Variants in STK3 observed in about 807,000 individuals in gnomAD.
The protein encoded by STK3 is serine/threonine-protein kinase 3.
STK3 carries 41 observed loss-of-function variants against 58.0 expected under a neutral mutation model. The observed-to-expected ratio is 0.71, with a 90% CI of 0.55 to 0.92. STK3 has a LOEUF of 0.92. Among genes scored for constraint, STK3 ranks in the 40% least tolerant of loss-of-function variants. The pLI, the probability that STK3 is intolerant of heterozygous loss-of-function variation, is 0.00. For missense variants in STK3, 479 were observed against 602.7 expected, an observed-to-expected ratio of 0.79 and a Z score of 2.15; for synonymous variants, 170 against 191.0, an observed-to-expected ratio of 0.89 and a Z score of 0.91.
chr8:98,441,924 C>T (rs554280465), intron 1 of STK3, among the ~76,000 whole-genome samples: 2 of 152,330 alleles, frequency 1.3e-5, no homozygotes, highest in South Asian at 4.1e-4. Context: ...GCTCCAGACC[C>T]ATGTTTCCAG....
chr8:98,918,549 C>T (rs1218972293), intron 1 of STK3, among the ~76,000 whole-genome samples: 1 of 152,028 alleles, frequency 6.6e-6, no homozygotes, highest in African/African-American at 2.4e-5. Flanking sequence ...GCAGGAGGAC[C>T]GCTTGAGCCT....
intron 1 of STK3, among the ~76,000 whole-genome samples, chr8:98,801,870 T>C (rs997972213): frequency 6.6e-6 from 1 of 152,180 alleles, no homozygotes. Flanking sequence ...TGTTGTTTCC[T>C]GTTCAATGTA....
the STK3 span, among the ~76,000 whole-genome samples, chr8:98,345,670 A>C: frequency 7.2e-5 from 11 of 152,066 alleles, no homozygotes; most frequent in African/African-American, 2.7e-4. Flanking sequence ...GGAAAACACA[A>C]CCTATAATGA....
At chr8:98,549,140 G>C (rs1163385945) in intron 8 of STK3, among the ~76,000 whole-genome samples, 7 of 152,206 alleles carry the variant, frequency 4.6e-5, no homozygotes, top group African/African-American at 1.2e-4. Flanking sequence ...TACAATTGCT[G>C]GATCACATGG....
intron 6 of STK3, among the ~76,000 whole-genome samples, chr8:98,665,320 A>G (rs1202046215): frequency 6.6e-6 from 1 of 152,216 alleles, no homozygotes. Context: ...ATGAAGCAGA[A>G]GTCAAAATTT....
At chr8:98,655,126 C>T (rs572335843) in intron 6 of STK3, among the ~76,000 whole-genome samples, 2 of 151,798 alleles carry the variant, frequency 1.3e-5, no homozygotes, top group Non-Finnish European at 2.9e-5. Flanking sequence ...GGTACTGGTA[C>T]CAAAACAGAG....
At chr8:98,404,371 TACAA>T (rs1385827199) in intron 3 of STK3, among the ~76,000 whole-genome samples, 2 of 152,014 alleles carry the variant, frequency 1.3e-5, no homozygotes, top group African/African-American at 4.8e-5. Context: ...ACTCCATGTC[TACAA>T]ACAATCAAAA....
intron 3 of STK3, chr8:98,413,607 T>G: frequency 2.8e-6 from 2 of 704,590 alleles, no homozygotes; most frequent in Non-Finnish European, 5.4e-6. Flanking sequence ...TTCAATTTGT[T>G]GGATACAAAG....
chr8:98,373,150 G>T (rs929163591), intron 2 of STK3, among the ~76,000 whole-genome samples: 45 of 152,226 alleles, frequency 3.0e-4, no homozygotes, highest in African/African-American at 1.0e-3. Flanking sequence ...ACCAGAGTTG[G>T]TGCTCCATAA....
intron 3 of STK3, among the ~76,000 whole-genome samples, chr8:98,832,693 G>A (rs1471429147): frequency 6.6e-6 from 1 of 151,930 alleles, no homozygotes; most frequent in Non-Finnish European, 1.5e-5. Context: ...GGTCCCCTTG[G>A]CCAAGGGGGG....
intron 10 of STK3, among the ~76,000 whole-genome samples, chr8:98,468,411 C>G (rs1586635921): frequency 6.6e-6 from 1 of 152,240 alleles, no homozygotes; most frequent in Non-Finnish European, 1.5e-5. Flanking sequence ...TGAAGAGATT[C>G]AGATATTTGT....
intron 1 of STK3, among the ~76,000 whole-genome samples, chr8:98,821,675 A>T (rs1026318561): frequency 6.6e-6 from 1 of 151,896 alleles, no homozygotes; most frequent in South Asian, 2.1e-4. Flanking sequence ...AAAAAAAAAA[A>T]AGTTAAAAAG....
chr8:98,398,946 CTG>C (rs1408773032), downstream of STK3, among the ~76,000 whole-genome samples: 2 of 152,200 alleles, frequency 1.3e-5, no homozygotes, highest in African/African-American at 2.4e-5. Flanking sequence ...TGAAAGGAAA[CTG>C]TGAAATCTTC....
intron 10 of STK3, among the ~76,000 whole-genome samples, chr8:98,491,488 T>TA (rs1257525913): frequency 6.6e-6 from 1 of 152,076 alleles, no homozygotes; most frequent in East Asian, 1.9e-4. Context: ...TAGCCCAAGT[T>TA]AGAGTGCAGT....
At chr8:98,366,703 C>T (rs1309199196), downstream of STK3, among the ~76,000 whole-genome samples, 2 of 152,200 alleles carry the variant, frequency 1.3e-5, no homozygotes, top group African/African-American at 4.8e-5. Context: ...ATCTATCTGT[C>T]TATTCCTGCT....
At chr8:98,823,610 A>G (rs1835051828) in intron 1 of STK3, among the ~76,000 whole-genome samples, 1 of 152,248 alleles carries the variant, frequency 6.6e-6, no homozygotes, top group South Asian at 2.1e-4. Flanking sequence ...TAGGGGCTTC[A>G]AATATATTTG....
chr8:98,772,147 CA>C (rs1422333498), intron 2 of STK3, among the ~76,000 whole-genome samples: 4 of 152,256 alleles, frequency 2.6e-5, no homozygotes, highest in Non-Finnish European at 5.9e-5. Context: ...CCTCTTCAAT[CA>C]ATGGGTTACT....
At chr8:98,609,286 C>T (rs1198557598) in intron 6 of STK3, among the ~76,000 whole-genome samples, 1 of 152,008 alleles carries the variant, frequency 6.6e-6, no homozygotes, top group Non-Finnish European at 1.5e-5. Context: ...GAGATAAGGC[C>T]TTTTAATGTT....
chr8:98,555,890 G>C (rs1276832757), intron 8 of STK3, among the ~76,000 whole-genome samples: 1 of 152,020 alleles, frequency 6.6e-6, no homozygotes, highest in Non-Finnish European at 1.5e-5. Flanking sequence ...GATGATGGGG[G>C]TGGGGGATTA....
Sources: allele counts gnomAD v4.1 joint callset (sites outside exome capture counted in the v4.1 genomes callset), GRCh38; gene constraint gnomAD v4.1.1; transcripts MANE v1.5; gene names NCBI Gene and HGNC (gene_info 2026-07-23, HGNC 2026-07-21).